Variants in BIRC6 observed in about 807,000 individuals in gnomAD.
The protein encoded by BIRC6 is baculoviral IAP repeat containing 6.
BIRC6 carries 98 observed loss-of-function variants against 503.3 expected under a neutral mutation model. That is an observed-to-expected ratio of 0.19 (90% CI 0.17 to 0.23). The LOEUF (loss-of-function observed/expected upper bound fraction) is 0.23. Among genes scored for constraint, BIRC6 ranks in the 10% least tolerant of loss-of-function variants. BIRC6 has a pLI of 1.00. For synonymous variants in BIRC6, 2,240 were observed against 2,078.7 expected (o/e 1.08, Z -2.11); for missense variants, 5,360 against 5,806.0 (o/e 0.92, Z 2.50).
chr2:32,499,414 T>TTTG lies in BIRC6; in HGVS notation c.8469-130_8469-128dup, dbSNP rs1300661925. 4 of 768,634 alleles carry TTTG rather than the reference T, an allele frequency of 5.2e-6. No individual in the cohort carries two copies. The African/African-American group carries it at 7.0e-5, about 13-fold the overall frequency. The allele number at this position is 768,634 out of a possible 1,614,324, so 47.6% of individuals were successfully genotyped here. A position where few individuals can be genotyped will look rare whatever the true frequency, so the allele number is the denominator to read the frequency against. Reference sequence around the variant, plus strand: ...CTAATGAAATAGTGAATATCAAGAATTTGTTTAACTTTCTTGTATTGTGAT... The same window carrying TTTG: ...CTAATGAAATAGTGAATATCAAGAATTTGTTGTTTAACTTTCTTGTATTGTGAT... On this transcript the variant is annotated intron_variant, in intron 45 of 73. Transcript: ENST00000421745.
In BIRC6 at chr2:32,508,261, T is replaced by A. The variant is rs768668125; in HGVS notation, c.9980+2T>A. 6.6e-7 allele frequency: 1 copy of A among 1,505,230 alleles called. No individual in the cohort carries two copies. The allele number at this position is 1,505,230 out of a possible 1,614,324, so 93.2% of individuals were successfully genotyped here. Reference sequence around the variant, plus strand: ...TGAAGATCAGGTATCCAAAACAAGGTATGTTTTGTTTGTCCTTTTTTTTTT... The same window carrying A: ...TGAAGATCAGGTATCCAAAACAAGGAATGTTTTGTTTGTCCTTTTTTTTTT... On this transcript the variant is annotated splice_donor_variant, in intron 51 of 73. Transcript: ENST00000421745. LOFTEE classifies it high-confidence loss of function.
chr2:32,428,304 A>G (rs986635846), intron 10 of BIRC6, among the ~76,000 whole-genome samples: 2 of 152,234 alleles, frequency 1.3e-5, no homozygotes, highest in African/African-American at 4.8e-5. Context: ...CTCTCACTAC[A>G]TGTAATTCTG....
intron 65 of BIRC6, chr2:32,566,251 A>T (rs2059526819): frequency 6.6e-6 from 1 of 152,176 alleles, no homozygotes; most frequent in African/African-American, 2.4e-5. Flanking sequence ...AAACAGTTGC[A>T]TATTAATAAA....
At chr2:32,564,678 T>C (rs2059414362) in intron 65 of BIRC6, 1 of 152,212 alleles carries the variant, frequency 6.6e-6, no homozygotes. Context: ...CTCTGCCCCA[T>C]GAGTGGGGGC....
intron 23 of BIRC6, among the ~76,000 whole-genome samples, chr2:32,454,257 C>T (rs1212378816): frequency 6.6e-6 from 1 of 152,036 alleles, no homozygotes; most frequent in Middle Eastern, 3.2e-3. Flanking sequence ...TAAAAATAGA[C>T]TACGTGTTTC....
chr2:32,490,619 A>G (rs2051584620), intron 43 of BIRC6, among the ~76,000 whole-genome samples: 1 of 152,062 alleles, frequency 6.6e-6, no homozygotes, highest in African/African-American at 2.4e-5. Context: ...TACTTTGATA[A>G]TATAGTCTCA....
intron 65 of BIRC6, among the ~76,000 whole-genome samples, chr2:32,560,754 A>G (rs961169564): frequency 6.6e-6 from 1 of 151,974 alleles, no homozygotes; most frequent in African/African-American, 2.4e-5. Context: ...TTTTTGTAGA[A>G]ATAGGTTCTC....
At chr2:32,362,777 C>A (rs1450013068) in intron 1 of BIRC6, among the ~76,000 whole-genome samples, 1 of 151,822 alleles carries the variant, frequency 6.6e-6, no homozygotes, top group African/African-American at 2.4e-5. Context: ...GGTTAAGATC[C>A]CAGTGTCTTA....
chr2:32,497,269 T>C (rs911257233), intron 45 of BIRC6, among the ~76,000 whole-genome samples: 2 of 152,240 alleles, frequency 1.3e-5, no homozygotes, highest in Admixed American at 1.3e-4. Flanking sequence ...CTCATTCTGT[T>C]CTTAGCTGGC....
intron 21 of BIRC6, among the ~76,000 whole-genome samples, 195 bp from the exon 22 acceptor site, chr2:32,448,600 A>G (rs1367062302): frequency 4.0e-5 from 6 of 151,664 alleles, no homozygotes; most frequent in African/African-American, 1.5e-4. Context: ...AGATCGCAGC[A>G]GTACAGTCCA....
chr2:32,519,099 C>A, intron 57 of BIRC6, 153 bp downstream of exon 57: 2 of 754,650 alleles, frequency 2.7e-6, no homozygotes, highest in Admixed American at 3.1e-5. Context: ...GCATAAGAAG[C>A]CAGTCAAGTG....
intron 71 of BIRC6, among the ~76,000 whole-genome samples, chr2:32,607,181 T>A (rs940513490): frequency 2.3e-5 from 2 of 86,012 alleles, no homozygotes; most frequent in Admixed American, 1.0e-4. Flanking sequence ...TCATATCTAT[T>A]ATTATTATTA....
chr2:32,383,854 T>C (rs2038054482), intron 3 of BIRC6, among the ~76,000 whole-genome samples: 1 of 152,312 alleles, frequency 6.6e-6, no homozygotes, highest in Non-Finnish European at 1.5e-5. Flanking sequence ...TAAGTTGTAA[T>C]TGTTACTTCA....
rs780614002 is a variant in BIRC6, at chr2:32,445,530, A to T, written c.4346A>T (p.Tyr1449Phe). The change falls in exon 21 of 74, where the codon TAT becomes TTT. Residue 1449 changes from tyrosine to phenylalanine, a missense_variant. Tyr to Phe is a conservative substitution (Grantham distance 22). Coordinates refer to ENST00000421745, the MANE Select transcript of BIRC6 (RefSeq NM_016252.4). ...LPAATTGGSV[Y>F]WYFVLLNYVK... is the part of the protein sequence containing the mutation. ...TTTTTATTGTTTCCAGGTTCTGTCT[A>T]TTGGTATTTTGTCTTACTGAATTAT... 2 of 1,574,204 alleles carry T rather than the reference A, an allele frequency of 1.3e-6. No homozygotes were observed. Among genetic ancestry groups the T allele is most frequent in the South Asian group, 1.2e-5 (1 of 84,088 alleles).
At chr2:32,557,206 C>A (rs1410699001) in intron 65 of BIRC6, 1 of 152,134 alleles carries the variant, frequency 6.6e-6, no homozygotes, top group Admixed American at 6.5e-5. Context: ...TTAAAATATT[C>A]AGTGTTCATT....
At chr2:32,533,831 G>T (rs1043527184) in intron 61 of BIRC6, among the ~76,000 whole-genome samples, 4 of 152,154 alleles carry the variant, frequency 2.6e-5, no homozygotes, top group African/African-American at 9.7e-5. Context: ...AGTCCCATAA[G>T]ACCTGTTTTG....
At chr2:32,582,460 G>T (rs905491055) in intron 66 of BIRC6, among the ~76,000 whole-genome samples, 1 of 151,840 alleles carries the variant, frequency 6.6e-6, no homozygotes, top group Non-Finnish European at 1.5e-5. Context: ...TCATCCAAAG[G>T]TTTTGGTAAG....
chr2:32,510,761 C>T lies in BIRC6; in HGVS notation c.10346+127C>T, dbSNP rs569732041. 3 of 634,904 alleles carry T rather than the reference C, an allele frequency of 4.7e-6. No homozygotes were observed. In the East Asian group the frequency reaches 8.0e-5, roughly 17 times the overall value. 39.3% of individuals were successfully genotyped at this position (634,904 alleles called of 1,614,324 possible). ...ATACTGTGATATATTGTATGTTTACCATATGCCTCACACGATGTAACTTCT... is the reference window on the plus strand; with the variant it reads ...ATACTGTGATATATTGTATGTTTACTATATGCCTCACACGATGTAACTTCT... On this transcript the variant is annotated intron_variant, in intron 53 of 73. Coordinates refer to ENST00000421745, the MANE Select transcript of BIRC6 (RefSeq NM_016252.4).
Position 32,488,705 on chromosome 2 carries a change from T to A in BIRC6, c.8086T>A (p.Leu2696Ile). Residue 2696 changes from leucine (L) to isoleucine (I), a missense_variant, in exon 42 of 74, where the codon TTA becomes ATA. Leu to Ile is a conservative substitution (Grantham distance 5). This residue lies in a region of BIRC6 where 2,299 missense variants were observed against 2,267.2 expected (regional missense o/e 1.01). Transcript: ENST00000421745. ...TGCTAATAGGATACCTGTTATTTCA[T>A]TAAATCAAGGTAAGATTTATTAGGA... The part of the protein sequence containing the change: ...YNANRIPVIS[L>I]NQASITSFLT... The A allele has an allele frequency of 1.4e-6, 2 of 1,409,932 alleles. No individual in the cohort carries two copies. Among genetic ancestry groups the A allele is most frequent in the Non-Finnish European group, 9.6e-7 (1 of 1,040,318 alleles). 87.3% of individuals were successfully genotyped at this position (1,409,932 alleles called of 1,614,324 possible).
Sources: gnomAD v4.1 joint callset for allele counts (sites outside exome capture counted in the v4.1 genomes callset) on GRCh38, gnomAD v4.1.1 for gene constraint, gnomAD v4.1.1 regional missense constraint, MANE v1.5 for transcripts, NCBI Gene and HGNC (gene_info 2026-07-23, HGNC 2026-07-21) for gene names.